Variants in KCNJ6 observed in about 807,000 individuals in gnomAD.
KCNJ6 encodes the protein G protein-activated inward rectifier potassium channel 2.
KCNJ6 carries 9 observed loss-of-function variants against 34.2 expected under a neutral mutation model. That is an observed-to-expected ratio of 0.26 (90% CI 0.16 to 0.46). The LOEUF is 0.46. Among genes scored for constraint, KCNJ6 ranks in the 20% least tolerant of loss-of-function variants. KCNJ6 has a pLI of 1.00. For missense variants in KCNJ6, 236 were observed against 531.3 expected, an observed-to-expected ratio of 0.44 and a Z score of 5.46; for synonymous variants, 196 against 207.1, an observed-to-expected ratio of 0.95 and a Z score of 0.46.
intron 3 of KCNJ6, among the ~76,000 whole-genome samples, chr21:37,657,474 G>C (rs950375255): frequency 6.6e-6 from 1 of 152,130 alleles, no homozygotes; most frequent in Non-Finnish European, 1.5e-5. Flanking sequence ...GGGATTCTGA[G>C]ACAGGTGAGG....
intron 2 of KCNJ6, among the ~76,000 whole-genome samples, chr21:37,833,852 A>C (rs991985): frequency 0.75 from 113,501 of 152,148 alleles, 43,305 homozygotes; most frequent in East Asian, 0.97. Flanking sequence ...CCTGTGCCTA[A>C]CAATGGAAAA....
rs1422189576 is a variant in KCNJ6 at position 37,890,387 on chromosome 21, A to T, written c.-28+25497T>A. On this transcript the variant is annotated intron_variant, in intron 1 of 3. Coordinates refer to ENST00000609713, the MANE Select transcript of KCNJ6 (RefSeq NM_002240.5). ...ACTAGTGGGGATTACGGGGACTACA[A>T]TTCGAGGTGAGATTTGGGTGGGAAC... Among the ~76,000 whole-genome samples, 7 of 152,318 alleles carry T rather than the reference A, an allele frequency of 4.6e-5. No homozygotes were observed. The South Asian group carries it at 8.3e-4, about 18-fold the overall frequency.
At chr21:37,754,762 A>G (rs1208257151) in intron 2 of KCNJ6, among the ~76,000 whole-genome samples, 1 of 152,232 alleles carries the variant, frequency 6.6e-6, no homozygotes, top group Non-Finnish European at 1.5e-5. Flanking sequence ...CACTTTCGGT[A>G]CATTTCCTGC....
intron 2 of KCNJ6, among the ~76,000 whole-genome samples, chr21:37,752,174 G>T (rs2054999247): frequency 1.3e-5 from 2 of 152,194 alleles, no homozygotes. Context: ...GTCAAGGCGG[G>T]CTGCTCTGTG....
chr21:37,809,288 C>T (rs1043023720), intron 2 of KCNJ6, among the ~76,000 whole-genome samples: 1 of 151,912 alleles, frequency 6.6e-6, no homozygotes, highest in Non-Finnish European at 1.5e-5. Context: ...AAAAACCAAA[C>T]ACCGCATGTT....
chr21:37,664,091 A>C (rs2054502675), intron 3 of KCNJ6, among the ~76,000 whole-genome samples: 2 of 152,192 alleles, frequency 1.3e-5, no homozygotes, highest in Admixed American at 6.5e-5. Context: ...TTTGGAAATA[A>C]AATAAAGTTG....
chr21:37,887,551 A>G (rs1372275872), intron 1 of KCNJ6, among the ~76,000 whole-genome samples: 1 of 152,212 alleles, frequency 6.6e-6, no homozygotes, highest in Non-Finnish European at 1.5e-5. Context: ...TGTGTATTCT[A>G]GCTGTAACCT....
intron 3 of KCNJ6, among the ~76,000 whole-genome samples, chr21:37,655,228 A>T (rs1383119957): frequency 0.19 from 538 of 2,814 alleles, 10 homozygotes; most frequent in African/African-American, 0.36. Context: ...TGTGTGTGAG[A>T]GAGAGAGAGA....
chr21:37,759,437 C>T (rs528181977), intron 2 of KCNJ6, among the ~76,000 whole-genome samples: 23 of 152,324 alleles, frequency 1.5e-4, no homozygotes, highest in Non-Finnish European at 2.9e-4. Flanking sequence ...GTTACAGCAG[C>T]ACCTTTCTCA....
intron 3 of KCNJ6, among the ~76,000 whole-genome samples, chr21:37,669,841 G>C (rs1365297813): frequency 6.6e-6 from 1 of 152,264 alleles, no homozygotes; most frequent in East Asian, 1.9e-4. Context: ...TCATGATAAT[G>C]TATTTCAATG....
intron 3 of KCNJ6, among the ~76,000 whole-genome samples, chr21:37,672,966 A>G (rs2054548803): frequency 6.6e-6 from 1 of 152,188 alleles, no homozygotes; most frequent in Non-Finnish European, 1.5e-5. Context: ...TTTTGTAGAG[A>G]CAGAGTCTTG....
At chr21:37,744,303 A>T (rs1250362371) in intron 2 of KCNJ6, among the ~76,000 whole-genome samples, 1 of 152,152 alleles carries the variant, frequency 6.6e-6, no homozygotes, top group African/African-American at 2.4e-5. Context: ...CCTAAAACTT[A>T]AAGTATAATA....
chr21:37,889,524 G>A (rs1251576805), intron 1 of KCNJ6, among the ~76,000 whole-genome samples: 1 of 152,164 alleles, frequency 6.6e-6, no homozygotes, highest in African/African-American at 2.4e-5. Flanking sequence ...AAGGTTTTGG[G>A]TGGTGTTCCT....
At chr21:37,822,977 A>T (rs4817893) in intron 2 of KCNJ6, among the ~76,000 whole-genome samples, 31,305 of 152,072 alleles carry the variant, frequency 0.21, 5,170 homozygotes, top group African/African-American at 0.44. Flanking sequence ...TTCCTTCACA[A>T]GAGCTAAGGA....
chr21:37,637,433 T>G (rs2054362926), intron 3 of KCNJ6, among the ~76,000 whole-genome samples: 1 of 152,224 alleles, frequency 6.6e-6, no homozygotes, highest in Non-Finnish European at 1.5e-5. Context: ...ACATGTGTAC[T>G]CCTAATTCTA....
chr21:37,714,934 G>T lies in KCNJ6; in HGVS notation c.223C>A (p.Arg75Ser). Residue 75 changes from arginine to serine, a missense_variant, in exon 3 of 4, where the codon CGC (arginine) becomes AGC (serine). This residue lies in a region of KCNJ6 where 68 missense variants were observed against 165.7 expected (regional missense o/e 0.41). Transcript: ENST00000609713. The surrounding 1 kb of genome is among the most constrained non-coding windows in gnomAD (Gnocchi z 5.9). ...VHHGNVRETY[R>S]YLTDIFTTLV... is the part of the protein sequence containing the mutation. ...GTGGTGAAGATATCGGTCAGGTAGC[G>T]ATAGGTCTCCCTCACGTTGCCGTGA... 6.2e-7 allele frequency: 1 copy of T among 1,613,854 alleles called. No homozygotes were observed. Among genetic ancestry groups the T allele is most frequent in the Non-Finnish European group, 8.5e-7 (1 of 1,179,954 alleles).
intron 1 of KCNJ6, among the ~76,000 whole-genome samples, chr21:37,853,861 T>TATATAA (rs940498600): frequency 1.8e-4 from 27 of 146,732 alleles, no homozygotes; most frequent in Non-Finnish European, 2.1e-4. Flanking sequence ...TATATATATA[T>TATATAA]AAATTACATT....
intron 3 of KCNJ6, among the ~76,000 whole-genome samples, chr21:37,696,055 C>T (rs868310710): frequency 3.3e-5 from 5 of 152,098 alleles, no homozygotes; most frequent in Non-Finnish European, 5.9e-5. Flanking sequence ...ATAGATAGAT[C>T]AATAGATAAC....
intron 1 of KCNJ6, among the ~76,000 whole-genome samples, chr21:37,844,497 T>C (rs568265294): frequency 2.0e-4 from 30 of 152,088 alleles, no homozygotes; most frequent in Non-Finnish European, 4.1e-4. Flanking sequence ...ATCTAAAACC[T>C]GACATGGCCT....
Sources: allele counts gnomAD v4.1 joint callset (sites outside exome capture counted in the v4.1 genomes callset), GRCh38; gene constraint gnomAD v4.1.1; regional missense constraint gnomAD v4.1.1; non-coding constraint Gnocchi (gnomAD v3.1); transcripts MANE v1.5; gene names NCBI Gene and HGNC (gene_info 2026-07-23, HGNC 2026-07-21).